The following ADGRV1 variants were observed in gnomAD, a reference collection of about 807,000 sequenced individuals.
The protein encoded by ADGRV1 is G-protein coupled receptor 98.
Under a neutral mutation model 596.2 loss-of-function variants are expected in ADGRV1, and 359 were observed. That is an observed-to-expected ratio of 0.60 (90% CI 0.55 to 0.66). The LOEUF is 0.66. Ranked by LOEUF, ADGRV1 falls within the 30% of genes least tolerant of loss-of-function variation. The pLI, the probability that ADGRV1 is intolerant of heterozygous loss-of-function variation, is 0.00. For missense variants in ADGRV1, 7,274 were observed against 7,575.6 expected, an observed-to-expected ratio of 0.96 and a Z score of 1.48; for synonymous variants, 2,681 against 2,679.2, an observed-to-expected ratio of 1.00 and a Z score of -0.02.
chr5:90,669,909 T>C (rs1385051533), intron 21 of ADGRV1, among the ~76,000 whole-genome samples: 11 of 152,232 alleles, frequency 7.2e-5, no homozygotes, highest in Admixed American at 7.2e-4. Flanking sequence ...ATAAGTGTTA[T>C]AGCAGAATTA....
chr5:90,872,540 A>G (rs1768794721), intron 83 of ADGRV1, among the ~76,000 whole-genome samples: 1 of 152,100 alleles, frequency 6.6e-6, no homozygotes, highest in African/African-American at 2.4e-5. Context: ...GGGCTAGAGC[A>G]CTGGTCTTGT....
chr5:90,756,363 A>G, intron 55 of ADGRV1, 91 bp from the exon 56 acceptor site: 2 of 856,772 alleles, frequency 2.3e-6, no homozygotes, highest in Non-Finnish European at 3.6e-6. Context: ...AACAAAGTCA[A>G]TTATTTCCTT....
At chr5:90,707,259 A>G (rs1289530099) in intron 38 of ADGRV1, among the ~76,000 whole-genome samples, 2 of 152,186 alleles carry the variant, frequency 1.3e-5, no homozygotes, top group Non-Finnish European at 2.9e-5. Context: ...TTAGTGTATC[A>G]GTTACCTAAA....
At chr5:90,720,581 A>G (rs746423088) in intron 44 of ADGRV1, among the ~76,000 whole-genome samples, 3 of 152,216 alleles carry the variant, frequency 2.0e-5, no homozygotes, top group Non-Finnish European at 4.4e-5. Context: ...ATATATTAAC[A>G]TGATTGTGGT....
At chr5:91,068,397 AG>A (rs1405156918) in intron 85 of ADGRV1, among the ~76,000 whole-genome samples, 1 of 151,946 alleles carries the variant, frequency 6.6e-6, no homozygotes, top group Non-Finnish European at 1.5e-5. Flanking sequence ...TGAACCCAGG[AG>A]GCGGAACTTG....
intron 70 of ADGRV1, chr5:90,792,724 A>G (rs545130619): frequency 6.6e-6 from 1 of 152,370 alleles, no homozygotes; most frequent in South Asian, 2.1e-4. Context: ...CTATACCTGC[A>G]TTTGAGAAAG....
intron 70 of ADGRV1, among the ~76,000 whole-genome samples, chr5:90,800,232 G>GA (rs748896134): frequency 5.9e-5 from 9 of 151,490 alleles, no homozygotes; most frequent in Non-Finnish European, 8.8e-5. Context: ...AAATTTACAA[G>GA]AAAAAAAACA....
At chr5:90,716,969 T>C (rs1197056805) in intron 43 of ADGRV1, 3 of 303,352 alleles carry the variant, frequency 9.9e-6, no homozygotes, top group Non-Finnish European at 1.8e-5. Flanking sequence ...ATAAAGAAAA[T>C]ATATGTATGG....
chr5:91,114,390 G>A (rs1185080344), intron 87 of ADGRV1, among the ~76,000 whole-genome samples: 1 of 152,022 alleles, frequency 6.6e-6, no homozygotes, highest in African/African-American at 2.4e-5. Flanking sequence ...AGCTGGGTGT[G>A]GTGGCACACG....
intron 21 of ADGRV1, among the ~76,000 whole-genome samples, chr5:90,663,603 G>C (rs1389886738): frequency 6.6e-6 from 1 of 152,174 alleles, no homozygotes; most frequent in South Asian, 2.1e-4. Flanking sequence ...CTGTGCAGAA[G>C]CTCTTGAGTT....
intron 21 of ADGRV1, among the ~76,000 whole-genome samples, chr5:90,658,624 G>A (rs112657332): frequency 0.03 from 4,475 of 151,506 alleles, 200 homozygotes; most frequent in African/African-American, 0.1. Context: ...AATATATATT[G>A]AAGGCTTGTA....
intron 21 of ADGRV1, among the ~76,000 whole-genome samples, chr5:90,669,303 A>T (rs961233493): frequency 6.6e-6 from 1 of 152,150 alleles, no homozygotes; most frequent in African/African-American, 2.4e-5. Flanking sequence ...TCTTCTGTCC[A>T]ACATCTTAAG....
Position 90,711,292 on chromosome 5 carries a change from A to G in ADGRV1, c.9012A>G (p.Gln3004=). The change falls in exon 41 of 90, where the codon CAA becomes CAG. Residue 3004 remains glutamine (Q), a synonymous_variant. Coordinates refer to ENST00000405460, the MANE Select transcript of ADGRV1 (RefSeq NM_032119.4). ...LFVYAQNLEA[Q]VGLDYIFTPM... Reference sequence around the variant, plus strand: ...TGTATGCTCAGAATTTGGAAGCACAAGTGGGGCTGGATTATATCTTCACCC... The same window carrying G: ...TGTATGCTCAGAATTTGGAAGCACAGGTGGGGCTGGATTATATCTTCACCC... 6.2e-7 allele frequency: 1 copy of G among 1,612,994 alleles called. No homozygotes were observed.
At chr5:90,819,424 G>A (rs988942517) in intron 75 of ADGRV1, among the ~76,000 whole-genome samples, 1 of 151,102 alleles carries the variant, frequency 6.6e-6, no homozygotes, top group Admixed American at 6.6e-5. Flanking sequence ...CTTCAGTTCT[G>A]CTCTGATTTT....
intron 85 of ADGRV1, among the ~76,000 whole-genome samples, chr5:90,993,284 G>A (rs371194725): frequency 6.7e-6 from 1 of 149,316 alleles, no homozygotes. Flanking sequence ...TCAGCCTCCC[G>A]AGTAGCTTGG....
intron 86 of ADGRV1, among the ~76,000 whole-genome samples, chr5:91,087,982 A>G (rs981337107): frequency 6.6e-6 from 1 of 152,192 alleles, no homozygotes; most frequent in African/African-American, 2.4e-5. Context: ...GCTTATATTC[A>G]AAAGAGATCT....
At chr5:90,914,236 G>C (rs913477944) in intron 83 of ADGRV1, among the ~76,000 whole-genome samples, 1 of 152,090 alleles carries the variant, frequency 6.6e-6, no homozygotes, top group Admixed American at 6.6e-5. Flanking sequence ...TCATGTAGGT[G>C]CTCAAAAAGT....
intron 2 of ADGRV1, 53 bp from the exon 3 acceptor site, chr5:90,617,751 A>T: frequency 1.4e-6 from 2 of 1,443,558 alleles, no homozygotes; most frequent in Non-Finnish European, 1.9e-6. Flanking sequence ...CATCAGTTTT[A>T]CTTGTCCTAA....
chr5:90,836,324 C>T (rs142684860), intron 77 of ADGRV1, among the ~76,000 whole-genome samples: 1 of 152,186 alleles, frequency 6.6e-6, no homozygotes, highest in East Asian at 1.9e-4. Context: ...AAAGTAGAAA[C>T]AATTCAGGTG....
Sources: gnomAD v4.1 joint callset for allele counts (sites outside exome capture counted in the v4.1 genomes callset) on GRCh38, gnomAD v4.1.1 for gene constraint, MANE v1.5 for transcripts, NCBI Gene and HGNC (gene_info 2026-07-23, HGNC 2026-07-21) for gene names.